Variants in ATXN1 observed in about 807,000 individuals in gnomAD.
ATXN1 encodes the protein ataxin-1.
Under a neutral mutation model 56.4 loss-of-function variants are expected in ATXN1, and 8 were observed. The ratio of observed to expected loss-of-function variants is 0.14; its 90% CI spans 0.08 to 0.26. The LOEUF (loss-of-function observed/expected upper bound fraction) is 0.26, where lower values mean the gene tolerates loss of function less well. Among genes scored for constraint, ATXN1 ranks in the 10% least tolerant of loss-of-function variants. The probability of loss-of-function intolerance (pLI) is 1.00; values close to 1 mark genes in which losing one functional copy is unlikely to be tolerated. For synonymous variants in ATXN1, 514 were observed against 494.6 expected, an observed-to-expected ratio of 1.04 and a Z score of -0.52; for missense variants, 987 against 1,106.5, an observed-to-expected ratio of 0.89 and a Z score of 1.53.
At chr6:16,589,388 T>C (rs2113768891) in intron 3 of ATXN1, among the ~76,000 whole-genome samples, 2 of 151,586 alleles carry the variant, frequency 1.3e-5, no homozygotes, top group East Asian at 3.9e-4. Flanking sequence ...GAAATGTGTG[T>C]ATATACACGC....
At chr6:16,441,155 A>G (rs1292488179) in intron 6 of ATXN1, among the ~76,000 whole-genome samples, 1 of 152,100 alleles carries the variant, frequency 6.6e-6, no homozygotes, top group Non-Finnish European at 1.5e-5. Flanking sequence ...GAGCCAGGGC[A>G]CTCTTGAGAC....
chr6:16,532,312 C>T (rs1253220030), intron 4 of ATXN1, among the ~76,000 whole-genome samples: 1 of 152,130 alleles, frequency 6.6e-6, no homozygotes, highest in Non-Finnish European at 1.5e-5. Flanking sequence ...CTGCAGCATC[C>T]ACCACTGAAC....
At chr6:16,343,249 A>G (rs1761297697) in intron 6 of ATXN1, among the ~76,000 whole-genome samples, 1 of 152,118 alleles carries the variant, frequency 6.6e-6, no homozygotes, top group Non-Finnish European at 1.5e-5. Flanking sequence ...AGAGGCTGAG[A>G]CAGGAGAATG....
At chr6:16,372,961 A>T (rs1762075927) in intron 6 of ATXN1, among the ~76,000 whole-genome samples, 1 of 135,002 alleles carries the variant, frequency 7.4e-6, no homozygotes, top group Non-Finnish European at 1.7e-5. Flanking sequence ...AAACAAACAA[A>T]CAAACAAATA....
chr6:16,744,714 G>T (rs896237733), intron 2 of ATXN1, among the ~76,000 whole-genome samples: 2 of 152,186 alleles, frequency 1.3e-5, no homozygotes, highest in East Asian at 3.9e-4. Flanking sequence ...GCAGAAGAAA[G>T]AAAGAGCTAT....
intron 6 of ATXN1, among the ~76,000 whole-genome samples, chr6:16,372,425 T>C (rs1046754763): frequency 7.2e-5 from 11 of 152,008 alleles, no homozygotes. Context: ...GCAAACCGAG[T>C]GAAAGCCCTC....
chr6:16,420,765 A>C (rs1759015353), intron 6 of ATXN1, among the ~76,000 whole-genome samples: 1 of 152,218 alleles, frequency 6.6e-6, no homozygotes, highest in Admixed American at 6.5e-5. Flanking sequence ...ATGACCCATA[A>C]AAATTACTTG....
chr6:16,392,600 A>T (rs909627275), intron 6 of ATXN1, among the ~76,000 whole-genome samples: 1 of 151,806 alleles, frequency 6.6e-6, no homozygotes, highest in Non-Finnish European at 1.5e-5. Context: ...GGTTCAAGCG[A>T]TTCTCCTGCC....
Position 16,348,266 on chromosome 6 carries a change from C to T in ATXN1, c.-160-19796G>A, listed in dbSNP as rs373249900. Among the ~76,000 whole-genome samples, 39 of 152,200 alleles carry T rather than the reference C, an allele frequency of 2.6e-4. No homozygotes were observed. In the South Asian group the frequency reaches 7.1e-3, roughly 28 times the overall value. On this transcript the variant is annotated intron_variant, in intron 6 of 7. Transcript: ENST00000436367. ...TTTTTATTCAGATAGGGTTTCATCA[C>T]GCTGTGCAGGCTGGTCTCAAACTCC...
intron 2 of ATXN1, among the ~76,000 whole-genome samples, chr6:16,674,365 C>G (rs1428303725): frequency 3.2e-5 from 3 of 93,332 alleles, no homozygotes; most frequent in African/African-American, 1.7e-4. Context: ...TTTTTTGAGA[C>G]GGAGTCTCGC....
At chr6:16,709,203 A>G (rs1421098678) in intron 2 of ATXN1, among the ~76,000 whole-genome samples, 1 of 152,132 alleles carries the variant, frequency 6.6e-6, no homozygotes, top group Non-Finnish European at 1.5e-5. Context: ...AAATAAGTAA[A>G]TGAAAACATC....
chr6:16,553,085 G>A (rs1761951802), intron 4 of ATXN1, among the ~76,000 whole-genome samples: 1 of 152,214 alleles, frequency 6.6e-6, no homozygotes, highest in South Asian at 2.1e-4. Flanking sequence ...TCTAGGAGGT[G>A]GCCTCTCTAC....
intron 4 of ATXN1, among the ~76,000 whole-genome samples, chr6:16,564,783 T>G (rs1431488805): frequency 6.6e-6 from 1 of 152,132 alleles, no homozygotes; most frequent in Admixed American, 6.5e-5. Context: ...GTTCTAAAAT[T>G]TATTGTGGTG....
At chr6:16,658,315 C>T (rs1758247937) in intron 2 of ATXN1, among the ~76,000 whole-genome samples, 1 of 152,286 alleles carries the variant, frequency 6.6e-6, no homozygotes, top group Admixed American at 6.5e-5. Flanking sequence ...AAATGAAAGA[C>T]TCAGACTAAT....
chr6:16,667,902 T>C (rs1027812350), intron 2 of ATXN1, among the ~76,000 whole-genome samples: 1 of 152,100 alleles, frequency 6.6e-6, no homozygotes, highest in Non-Finnish European at 1.5e-5. Context: ...CTCAAGACAT[T>C]TGTCTTTCTA....
At chr6:16,599,423 C>T (rs1762874203) in intron 3 of ATXN1, among the ~76,000 whole-genome samples, 1 of 151,314 alleles carries the variant, frequency 6.6e-6, no homozygotes, top group Admixed American at 6.6e-5. Flanking sequence ...AAAAAAAAAA[C>T]AAGCTTAGGC....
At chr6:16,531,339 C>G (rs1446225734) in intron 4 of ATXN1, among the ~76,000 whole-genome samples, 1 of 152,142 alleles carries the variant, frequency 6.6e-6, no homozygotes, top group Non-Finnish European at 1.5e-5. Flanking sequence ...AAGTGCAACC[C>G]AGGCAGGACG....
Position 16,301,638 on chromosome 6 carries a change from A to G in ATXN1, c.*4691T>C, listed in dbSNP as rs1191564498. 1 of 152,560 alleles carries G rather than the reference A, an allele frequency of 6.6e-6. No homozygotes were observed. 9.5% of individuals were successfully genotyped at this position (152,560 alleles called of 1,614,324 possible). A position where few individuals can be genotyped will look rare whatever the true frequency, so the allele number is the denominator to read the frequency against. ...TTCTCTCCTTTCACATCACCACCGA[A>G]GAAACCGAATTGGGCCATGGAGTCT... On this transcript the variant is annotated 3_prime_UTR_variant, in exon 8 of 8. Transcript: ENST00000436367.
At chr6:16,528,915 A>T (rs1334678359) in intron 4 of ATXN1, among the ~76,000 whole-genome samples, 1 of 152,174 alleles carries the variant, frequency 6.6e-6, no homozygotes, top group East Asian at 1.9e-4. Flanking sequence ...ACAGTGGCTC[A>T]CACCTGTAAT....
Sources: allele counts gnomAD v4.1 joint callset (sites outside exome capture counted in the v4.1 genomes callset), GRCh38; gene constraint gnomAD v4.1.1; transcripts MANE v1.5; gene names NCBI Gene and HGNC (gene_info 2026-07-23, HGNC 2026-07-21).